The following GPR160 variants were observed in gnomAD, a reference collection of about 807,000 sequenced individuals.
GPR160 encodes G protein-coupled receptor 160.
A neutral mutation model predicts 2.6 loss-of-function variants in GPR160; 2 were observed. That is an observed-to-expected ratio of 0.77 (90% CI 0.32 to 2.44). The LOEUF (loss-of-function observed/expected upper bound fraction) is 2.44. GPR160 is among the 30% of genes most tolerant of loss of function. GPR160 has a pLI of 0.11. For missense variants in GPR160, 351 were observed against 383.6 expected (o/e 0.91, Z 0.71); for synonymous variants, 130 against 132.2 (o/e 0.98, Z 0.12).
intron 2 of GPR160, among the ~76,000 whole-genome samples, chr3:170,051,440 T>A (rs1716953853): frequency 6.6e-6 from 1 of 152,182 alleles, no homozygotes; most frequent in African/African-American, 2.4e-5. Flanking sequence ...ATATATGGTT[T>A]GGGGCTGGGT....
chr3:170,046,319 C>T (rs1209402357), intron 2 of GPR160, among the ~76,000 whole-genome samples: 1 of 152,164 alleles, frequency 6.6e-6, no homozygotes, highest in Non-Finnish European at 1.5e-5. Flanking sequence ...CTTTGTTGTT[C>T]GGGGATTAAA....
At chr3:170,075,574 C>T (rs1712811618) in intron 2 of GPR160, among the ~76,000 whole-genome samples, 2 of 152,310 alleles carry the variant, frequency 1.3e-5, no homozygotes, top group South Asian at 2.1e-4. Flanking sequence ...TTGACAGAGG[C>T]TCCACCATCT....
Position 170,084,767 on chromosome 3 carries a change from T to TAA in GPR160, c.797_798dup (p.Val267LysfsTer10), listed in dbSNP as rs1356654431. The TAA allele has an allele frequency of 1.1e-5, 18 of 1,607,662 alleles. No individual in the cohort carries two copies. The highest frequency in any genetic ancestry group is 3.3e-4 in the Middle Eastern group (2 of 6,060). On this transcript the variant is annotated frameshift_variant, in exon 4 of 4. Coordinates refer to ENST00000355897, the MANE Select transcript of GPR160 (RefSeq NM_014373.3). LOFTEE classifies it high-confidence loss of function. ...TACTTCAGGTAATCATTGTTTTACTTAAAGTTCAGATTCCAGCATATATTG... is the reference window on the plus strand; with the variant it reads ...TACTTCAGGTAATCATTGTTTTACTTAAAAAGTTCAGATTCCAGCATATATTG...
chr3:170,078,674 A>G (rs1712983206), intron 2 of GPR160, among the ~76,000 whole-genome samples: 2 of 152,216 alleles, frequency 1.3e-5, no homozygotes, highest in East Asian at 1.9e-4. Flanking sequence ...AGGCAAGTCA[A>G]TACCTCCTCT....
intron 2 of GPR160, among the ~76,000 whole-genome samples, chr3:170,079,284 C>A (rs933289413): frequency 6.6e-6 from 1 of 152,170 alleles, no homozygotes; most frequent in Non-Finnish European, 1.5e-5. Flanking sequence ...GTGGGACAGA[C>A]CCGGCATAGA....
intron 2 of GPR160, among the ~76,000 whole-genome samples, chr3:170,050,325 C>A (rs956564520): frequency 6.6e-6 from 1 of 152,020 alleles, no homozygotes; most frequent in Non-Finnish European, 1.5e-5. Context: ...CTCACTGCAA[C>A]CTCCACCTCC....
chr3:170,042,111 C>G (rs919966778), intron 2 of GPR160, among the ~76,000 whole-genome samples: 1 of 152,178 alleles, frequency 6.6e-6, no homozygotes, highest in African/African-American at 2.4e-5. Flanking sequence ...AAACACTTCG[C>G]TTTCATCTGC....
At chr3:170,056,317 G>A (rs1425639041) in intron 2 of GPR160, among the ~76,000 whole-genome samples, 1 of 152,234 alleles carries the variant, frequency 6.6e-6, no homozygotes. Flanking sequence ...AAGGCATTGA[G>A]TAAAAATTCA....
At chr3:170,071,334 A>T (rs1199838574) in intron 2 of GPR160, among the ~76,000 whole-genome samples, 2 of 152,138 alleles carry the variant, frequency 1.3e-5, no homozygotes, top group African/African-American at 4.8e-5. Flanking sequence ...ATTTAAAAGC[A>T]TGTGGGGCCT....
chr3:170,051,706 G>C (rs1716966146), intron 2 of GPR160, among the ~76,000 whole-genome samples: 1 of 152,066 alleles, frequency 6.6e-6, no homozygotes, highest in Non-Finnish European at 1.5e-5. Flanking sequence ...GCTTGGGAGA[G>C]AGAACGAAAC....
Position 170,084,136 on chromosome 3 carries a change from T to C in GPR160, c.164T>C (p.Met55Thr), listed in dbSNP as rs1239846291. 1.4e-5 allele frequency: 22 copies of C among 1,591,540 alleles called. No homozygotes were observed. The highest frequency in any genetic ancestry group is 1.8e-5 in the Non-Finnish European group (21 of 1,169,470). ...AGAAAAAACACCTGTCAAAATTTTA[T>C]GGAATATTTTTGCATTTCACTAGCA... ...MRRKNTCQNF[M>T]EYFCISLAFV... is the part of the protein sequence containing the mutation. The change falls in exon 4 of 4, where the codon ATG becomes ACG. Residue 55 changes from methionine to threonine, a missense_variant. Physicochemically the swap from Met to Thr is moderately conservative, Grantham distance 81. Coordinates refer to ENST00000355897, the MANE Select transcript of GPR160 (RefSeq NM_014373.3).
chr3:170,061,195 A>G (rs1711931451), intron 2 of GPR160, among the ~76,000 whole-genome samples: 1 of 151,832 alleles, frequency 6.6e-6, no homozygotes, highest in Non-Finnish European at 1.5e-5. Flanking sequence ...GAATCGCTTG[A>G]ACCTGGGAGG....
At chr3:170,073,518 C>T (rs1297736463) in intron 2 of GPR160, among the ~76,000 whole-genome samples, 1 of 152,086 alleles carries the variant, frequency 6.6e-6, no homozygotes, top group African/African-American at 2.4e-5. Context: ...GCTGCATCTG[C>T]GTCTCTTCAG....
At chr3:170,073,438 A>G (rs891853109) in intron 2 of GPR160, among the ~76,000 whole-genome samples, 1 of 152,202 alleles carries the variant, frequency 6.6e-6, no homozygotes, top group Non-Finnish European at 1.5e-5. Context: ...GGTTTTTCAT[A>G]GAGACTTCTT....
chr3:170,059,789 G>C (rs1711839849), intron 2 of GPR160, among the ~76,000 whole-genome samples: 1 of 152,000 alleles, frequency 6.6e-6, no homozygotes, highest in African/African-American at 2.4e-5. Flanking sequence ...CCATCACCTA[G>C]GCATTAAGCC....
chr3:170,062,704 A>C (rs1712030650), intron 2 of GPR160: 1 of 1,395,792 alleles, frequency 7.2e-7, no homozygotes, highest in Non-Finnish European at 1.0e-6. Flanking sequence ...AGGCCCCCGA[A>C]AAAAAGCTCA....
chr3:170,084,509 C>T lies in GPR160; in HGVS notation c.537C>T (p.Ser179=). The T allele has an allele frequency of 6.2e-7, 1 of 1,612,980 alleles. No individual in the cohort carries two copies. The highest frequency in any genetic ancestry group is 8.5e-7 in the Non-Finnish European group (1 of 1,179,010). Residue 179 remains serine, a synonymous_variant, in exon 4 of 4, where the codon AGC becomes AGT. Transcript: ENST00000355897. ...CTCGTCACTGTCCTTTCTATGTCAG[C>T]ATTCAGAGTTACTGGCTGTCATTTT... ...AYSRHCPFYV[S]IQSYWLSFFM...
intron 2 of GPR160, among the ~76,000 whole-genome samples, chr3:170,061,523 A>C (rs1366158080): frequency 6.6e-6 from 1 of 152,088 alleles, no homozygotes; most frequent in African/African-American, 2.4e-5. Context: ...ACTATGTATT[A>C]AATACTATAT....
chr3:170,068,633 A>G (rs867590977), intron 2 of GPR160, among the ~76,000 whole-genome samples: 8 of 151,966 alleles, frequency 5.3e-5, no homozygotes, highest in African/African-American at 1.9e-4. Context: ...TTACCTTACT[A>G]CTTCTGCCAT....
Sources: allele counts gnomAD v4.1 joint callset (sites outside exome capture counted in the v4.1 genomes callset), GRCh38; gene constraint gnomAD v4.1.1; transcripts MANE v1.5; gene names NCBI Gene and HGNC (gene_info 2026-07-23, HGNC 2026-07-21).